The following XPNPEP2 variants were observed in gnomAD, a reference collection of about 807,000 sequenced individuals.
The protein encoded by XPNPEP2 is xaa-Pro aminopeptidase 2.
Under a neutral mutation model 59.8 loss-of-function variants are expected in XPNPEP2, and 64 were observed. The ratio of observed to expected loss-of-function variants is 1.07; its 90% confidence interval spans 0.87 to 1.32. The LOEUF is 1.32. XPNPEP2 is among the 40% of genes most tolerant of loss of function. XPNPEP2 has a pLI of 0.00. For missense variants in XPNPEP2, 575 were observed against 546.8 expected (o/e 1.05, Z -0.51); for synonymous variants, 235 against 210.0 (o/e 1.12, Z -1.03).
chrX:129,764,994 A>G (rs1926722595), intron 19 of XPNPEP2, among the ~76,000 whole-genome samples: 1 of 111,769 alleles, frequency 8.9e-6, no homozygotes, highest in Non-Finnish European at 1.9e-5. Context: ...GAAAGAAAAG[A>G]GAAGGGAAAA....
intron 14 of XPNPEP2, 119 bp from the exon 15 acceptor site, chrX:129,759,061 T>C: frequency 3.6e-6 from 3 of 831,031 alleles, no homozygotes; most frequent in Non-Finnish European, 5.4e-6. Context: ...AGCTGTCTTC[T>C]TCCTTTCGCC....
chrX:129,759,020 TA>T (rs1926607492), intron 14 of XPNPEP2, among the ~76,000 whole-genome samples, 159 bp from the exon 15 acceptor site: 1 of 111,974 alleles, frequency 8.9e-6, no homozygotes, highest in South Asian at 3.7e-4. Flanking sequence ...CTTTCACACA[TA>T]GGTGCTGAAG....
In XPNPEP2 at chrX:129,742,265, C is replaced by T; in HGVS notation, c.123+84C>T. 3 of 505,602 alleles carry T rather than the reference C, an allele frequency of 5.9e-6. No homozygotes were observed. The South Asian group carries it at 1.1e-4, about 18-fold the overall frequency. 41.7% of individuals were successfully genotyped at this position (505,602 alleles called of 1,213,427 possible). A position where few individuals can be genotyped will look rare whatever the true frequency, so the allele number is the denominator to read the frequency against. ...TGCCCCACGCACCCCTGCACCGCAG[C>T]ACCCCCGCCCTGCTCTATCATCTTC... On this transcript the variant is annotated intron_variant, in intron 2 of 20. Transcript: ENST00000371106.
At position 129,768,544 on chromosome X, in the gene XPNPEP2, C is replaced by G; in HGVS notation, c.*59C>G. On this transcript the variant is annotated 3_prime_UTR_variant, in exon 21 of 21. Transcript: ENST00000371106. The stretch of plus-strand genomic sequence containing the variant: ...GATGGGGGGCTCCCTTGCTTAGCTC[C>G]CCTCACCCTGCACTGAACATACCCC... The G allele has an allele frequency of 1.9e-6, 2 of 1,033,277 alleles. No individual in the cohort carries two copies. Among genetic ancestry groups the G allele is most frequent in the Non-Finnish European group, 2.6e-6 (2 of 782,324 alleles). 85.2% of individuals were successfully genotyped at this position (1,033,277 alleles called of 1,213,427 possible).
Position 129,755,209 on chromosome X carries a change from C to T in XPNPEP2, c.1218-85C>T, listed in dbSNP as rs1188465254. The T allele has an allele frequency of 1.5e-5, 14 of 948,675 alleles. No homozygotes were observed. In the Admixed American group the frequency reaches 2.5e-4, roughly 17 times the overall value. 78.2% of individuals were successfully genotyped at this position (948,675 alleles called of 1,213,427 possible). On this transcript the variant is annotated intron_variant, in intron 12 of 20. Coordinates refer to ENST00000371106, the MANE Select transcript of XPNPEP2 (RefSeq NM_003399.6). ...AGTTGAGAGGTAGAGGCAGCCATGA[C>T]CTTCATTGGATTTGATTAGATATCC...
chrX:129,752,123 C>T, intron 9 of XPNPEP2, 27 bp from the exon 10 acceptor site: 3 of 1,200,132 alleles, frequency 2.5e-6, no homozygotes, highest in Non-Finnish European at 3.4e-6. Context: ...ATGCTCAGGA[C>T]CCTCCTTGTC....
intron 11 of XPNPEP2, 70 bp from the exon 12 acceptor site, chrX:129,754,402 T>C: frequency 1.0e-6 from 1 of 983,654 alleles, no homozygotes; most frequent in Non-Finnish European, 1.4e-6. Context: ...CTGATCTCCA[T>C]CATCTTGGAG....
intron 1 of XPNPEP2, among the ~76,000 whole-genome samples, chrX:129,740,829 C>G (rs1238015193): frequency 3.7e-5 from 4 of 107,007 alleles, no homozygotes; most frequent in Middle Eastern, 4.8e-3. Flanking sequence ...GTAGTCCCAG[C>G]TACTTGGGAG....
intron 19 of XPNPEP2, among the ~76,000 whole-genome samples, chrX:129,764,113 A>AATGGAAACAATGTTT (rs759156701): frequency 9.4e-6 from 1 of 106,159 alleles, no homozygotes; most frequent in African/African-American, 3.4e-5. Context: ...CTAAATAGAA[A>AATGGAAACAATGTTT]ATGGAAACAA....
At chrX:129,764,350 A>C (rs1926707925) in intron 19 of XPNPEP2, among the ~76,000 whole-genome samples, 1 of 110,525 alleles carries the variant, frequency 9.0e-6, no homozygotes, top group Non-Finnish European at 1.9e-5. Context: ...AAAGATGCTC[A>C]AGTTCATCCT....
At position 129,752,254 on chromosome X, in the gene XPNPEP2, G is replaced by T. The variant is rs201119408; in HGVS notation, c.926G>T (p.Arg309Leu). ...CAAATCGAGGATTACAGCCAAGTTC[G>T]TGACAGCATCCAGGCCTACTCATTG... is the stretch of plus-strand genomic sequence containing the variant. ...CVQIEDYSQV[R>L]DSIQAYSLGD... The change falls in exon 10 of 21, where the codon CGT becomes CTT. Residue 309 changes from arginine to leucine, a missense_variant. Physicochemically the swap from Arg to Leu is moderately radical, Grantham distance 102. Transcript: ENST00000371106. 8.3e-7 allele frequency: 1 copy of T among 1,212,080 alleles called. No homozygotes were observed. The highest frequency in any genetic ancestry group is 1.1e-6 in the Non-Finnish European group (1 of 895,619).
intron 14 of XPNPEP2, among the ~76,000 whole-genome samples, chrX:129,757,023 T>TATATATATATAC (rs1491537516): frequency 9.0e-5 from 7 of 77,724 alleles, no homozygotes; most frequent in African/African-American, 2.0e-4. Context: ...TATATATATA[T>TATATATATATAC]ACACACACAC....
chrX:129,754,875 G>T (rs958971886), intron 12 of XPNPEP2, among the ~76,000 whole-genome samples: 4 of 111,303 alleles, frequency 3.6e-5, no homozygotes, highest in African/African-American at 6.6e-5. Context: ...TCCCTGGGGG[G>T]TGCTGTGGCT....
intron 7 of XPNPEP2, among the ~76,000 whole-genome samples, chrX:129,748,174 T>A (rs1480615925): frequency 1.8e-5 from 2 of 112,039 alleles, no homozygotes; most frequent in African/African-American, 6.5e-5. Flanking sequence ...TGATGAAGAA[T>A]TTAGATTTGT....
intron 1 of XPNPEP2, 84 bp downstream of exon 1, chrX:129,739,346 C>A: frequency 3.0e-6 from 3 of 1,009,852 alleles, no homozygotes; most frequent in Non-Finnish European, 1.4e-6. Flanking sequence ...GGGTTGGGGC[C>A]CGAGTCTCTT....
intron 14 of XPNPEP2, among the ~76,000 whole-genome samples, chrX:129,757,481 C>A (rs1042403509): frequency 1.8e-5 from 2 of 108,953 alleles, no homozygotes; most frequent in African/African-American, 6.7e-5. Flanking sequence ...CAGTGTACAA[C>A]CTGAATGCTC....
At chrX:129,755,032 G>A (rs1353533019) in intron 12 of XPNPEP2, among the ~76,000 whole-genome samples, 1 of 111,875 alleles carries the variant, frequency 8.9e-6, no homozygotes, top group African/African-American at 3.3e-5. Flanking sequence ...GATACAGAGA[G>A]CTGGGTTTCT....
chrX:129,760,767 C>G (rs1821118179), intron 16 of XPNPEP2, among the ~76,000 whole-genome samples, 186 bp downstream of exon 16: 1 of 111,839 alleles, frequency 8.9e-6, no homozygotes, highest in Non-Finnish European at 1.9e-5. Flanking sequence ...GCGGGAGATC[C>G]AGGCCTTGAA....
intron 2 of XPNPEP2, among the ~76,000 whole-genome samples, chrX:129,742,800 G>C (rs1337003864): frequency 1.8e-5 from 2 of 111,990 alleles, no homozygotes; most frequent in Admixed American, 1.9e-4. Flanking sequence ...TACTCAGGAG[G>C]CTAAGGCAGA....
Sources: allele counts gnomAD v4.1 joint callset (sites outside exome capture counted in the v4.1 genomes callset), GRCh38; gene constraint gnomAD v4.1.1; transcripts MANE v1.5; gene names NCBI Gene and HGNC (gene_info 2026-07-23, HGNC 2026-07-21).